ARB2A: variants seen among roughly 807,000 people sequenced by gnomAD.
ARB2A encodes ARB2 cotranscriptional regulator A, also known as cotranscriptional regulator ARB2A.
At chr5:93,999,127 A>G in the ARB2A span, among the ~76,000 whole-genome samples, 1 of 152,030 alleles carries the variant, frequency 6.6e-6, no homozygotes, top group Non-Finnish European at 1.5e-5. Flanking sequence ...GAAAACTGCT[A>G]AAGTAAAATA....
At chr5:94,000,856 T>C in the ARB2A span, among the ~76,000 whole-genome samples, 5 of 152,068 alleles carry the variant, frequency 3.3e-5, no homozygotes, top group Non-Finnish European at 7.4e-5. Flanking sequence ...CTAAATTCGG[T>C]TTTTTGCATG....
the ARB2A span, among the ~76,000 whole-genome samples, chr5:93,692,306 G>A: frequency 2.6e-5 from 4 of 152,060 alleles, no homozygotes; most frequent in African/African-American, 9.7e-5. Context: ...GTCACACATA[G>A]GCTCAAAATA....
the ARB2A span, among the ~76,000 whole-genome samples, chr5:93,814,527 G>A: frequency 6.6e-6 from 1 of 152,100 alleles, no homozygotes; most frequent in Non-Finnish European, 1.5e-5. Context: ...CTATACAAAT[G>A]GTTTTTCCTA....
At chr5:93,773,343 C>A in the ARB2A span, among the ~76,000 whole-genome samples, 1 of 152,122 alleles carries the variant, frequency 6.6e-6, no homozygotes, top group Non-Finnish European at 1.5e-5. Context: ...GGTGATAAAT[C>A]CTGATTTCCA....
the ARB2A span, chr5:93,861,223 T>C: frequency 6.6e-6 from 1 of 152,200 alleles, no homozygotes; most frequent in South Asian, 2.1e-4. Flanking sequence ...CTTGCTTCTT[T>C]GTCTTTGCTT....
At chr5:93,762,149 C>G in the ARB2A span, among the ~76,000 whole-genome samples, 3 of 152,180 alleles carry the variant, frequency 2.0e-5, no homozygotes, top group Admixed American at 6.5e-5. Flanking sequence ...GAGTGCCTCT[C>G]CTCCTCAAAG....
chr5:94,074,661 T>A, the ARB2A span: 1 of 1,612,310 alleles, frequency 6.2e-7, no homozygotes, highest in Non-Finnish European at 8.5e-7. Flanking sequence ...AGTGCGGTAG[T>A]CTTTTCTTTT....
chr5:93,644,580 G>A, the ARB2A span, among the ~76,000 whole-genome samples: 5 of 152,150 alleles, frequency 3.3e-5, no homozygotes, highest in Admixed American at 3.3e-4. Flanking sequence ...TTACTGAGAG[G>A]TCACCAGTAT....
At chr5:93,868,689 G>C in the ARB2A span, among the ~76,000 whole-genome samples, 1 of 152,042 alleles carries the variant, frequency 6.6e-6, no homozygotes, top group Non-Finnish European at 1.5e-5. Context: ...GGACAGTTTG[G>C]GACTGAGGCA....
chr5:93,793,239 A>ATTTTTTTTTTTTTTTT, the ARB2A span, among the ~76,000 whole-genome samples: 1 of 64,776 alleles, frequency 1.5e-5, no homozygotes, highest in African/African-American at 5.0e-5. Flanking sequence ...CTTCTGGCTA[A>ATTTTTTTTTTTTTTTT]TTTTTTTTTT....
chr5:93,963,142 A>G, the ARB2A span, among the ~76,000 whole-genome samples: 1 of 152,006 alleles, frequency 6.6e-6, no homozygotes, highest in South Asian at 2.1e-4. Flanking sequence ...AGAAAGGAAA[A>G]CTGGGCAAAG....
chr5:93,865,576 C>G, the ARB2A span: 1 of 985,278 alleles, frequency 1.0e-6, no homozygotes, highest in Non-Finnish European at 1.2e-6. Context: ...GTTTTAAAAG[C>G]AAAAAGCATA....
chr5:93,903,711 G>C, the ARB2A span, among the ~76,000 whole-genome samples: 2 of 111,394 alleles, frequency 1.8e-5, no homozygotes, highest in African/African-American at 3.1e-5. Flanking sequence ...CTATATATCT[G>C]TGTGTGTGTG....
the ARB2A span, among the ~76,000 whole-genome samples, chr5:94,004,693 T>C: frequency 3.9e-5 from 6 of 152,030 alleles, no homozygotes; most frequent in Non-Finnish European, 5.9e-5. Context: ...CTGGTAGTTA[T>C]GGTCTATCAA....
the ARB2A span, among the ~76,000 whole-genome samples, chr5:93,829,745 A>T: frequency 3.9e-5 from 6 of 152,252 alleles, no homozygotes; most frequent in African/African-American, 1.4e-4. Flanking sequence ...TGAATAAAAC[A>T]GTTGGAAGGA....
chr5:93,807,293 A>C, the ARB2A span, among the ~76,000 whole-genome samples: 79 of 152,096 alleles, frequency 5.2e-4, no homozygotes, highest in Non-Finnish European at 1.0e-3. Flanking sequence ...AATTTCCCAC[A>C]GATTTGGTTG....
the ARB2A span, among the ~76,000 whole-genome samples, chr5:94,047,105 A>G: frequency 6.6e-6 from 1 of 152,184 alleles, no homozygotes; most frequent in Admixed American, 6.5e-5. Flanking sequence ...TTAGGAAAAT[A>G]TGTTTACTTT....
At chr5:94,019,976 G>A in the ARB2A span, among the ~76,000 whole-genome samples, 1 of 152,194 alleles carries the variant, frequency 6.6e-6, no homozygotes, top group South Asian at 2.1e-4. Flanking sequence ...TATGTTTATT[G>A]CAGCACTGTT....
the ARB2A span, chr5:94,050,618 T>A: frequency 1.3e-6 from 1 of 767,056 alleles, no homozygotes; most frequent in Non-Finnish European, 2.0e-6. Flanking sequence ...AACAAAAACC[T>A]TTTTGGAATC....
Sources: gnomAD v4.1 joint callset for allele counts (sites outside exome capture counted in the v4.1 genomes callset) on GRCh38, gnomAD v4.1.1 for gene constraint, MANE v1.5 for transcripts, NCBI Gene and HGNC (gene_info 2026-07-23, HGNC 2026-07-21) for gene names.